SDK1: variants seen among roughly 807,000 people sequenced by gnomAD.
The protein encoded by SDK1 is sidekick cell adhesion molecule 1, also known as protein sidekick-1.
Under a neutral mutation model 245.5 loss-of-function variants are expected in SDK1, and 157 were observed. That is an observed-to-expected ratio of 0.64 (90% confidence interval 0.56 to 0.73). SDK1 has a LOEUF of 0.73. Ranked by LOEUF, SDK1 falls within the 30% of genes least tolerant of loss-of-function variation. The probability of loss-of-function intolerance (pLI) is 0.00; values close to 1 mark genes in which losing one functional copy is unlikely to be tolerated. For synonymous variants in SDK1, 1,647 were observed against 1,278.5 expected, an observed-to-expected ratio of 1.29 and a Z score of -6.15; for missense variants, 3,583 against 3,002.3, an observed-to-expected ratio of 1.19 and a Z score of -4.52.
chr7:4,183,784 G>A (rs977534512), intron 35 of SDK1, among the ~76,000 whole-genome samples: 3 of 152,170 alleles, frequency 2.0e-5, no homozygotes, highest in Non-Finnish European at 4.4e-5. Context: ...TTTAGGGAAG[G>A]ACCATTATCA....
At chr7:3,302,369 G>A (rs1276802207) in intron 1 of SDK1, 1 of 151,992 alleles carries the variant, frequency 6.6e-6, no homozygotes, top group Non-Finnish European at 1.5e-5. Flanking sequence ...GCCTGCTCCT[G>A]ACTCCCCCAA....
At chr7:4,111,936 C>G (rs746622978) in intron 23 of SDK1, among the ~76,000 whole-genome samples, 1 of 152,156 alleles carries the variant, frequency 6.6e-6, no homozygotes, top group African/African-American at 2.4e-5. Context: ...GTTAAGGAAA[C>G]GGAGATCATC....
At chr7:4,263,543 C>T (rs9718560) in intron 44 of SDK1, among the ~76,000 whole-genome samples, 12,592 of 49,754 alleles carry the variant, frequency 0.25, 2,806 homozygotes, top group African/African-American at 0.48. Context: ...CGCGTAGACG[C>T]CTCCTGAGTG....
intron 4 of SDK1, among the ~76,000 whole-genome samples, chr7:3,815,694 A>G (rs1333868638): frequency 6.6e-6 from 1 of 152,060 alleles, no homozygotes; most frequent in East Asian, 1.9e-4. Context: ...GAATGGTACC[A>G]GTTCCTCCAA....
In SDK1 at chr7:3,713,460, C is replaced by A. The variant is rs1785106737; in HGVS notation, c.713+71355C>A. 2.6e-5 allele frequency among the ~76,000 whole-genome samples: 4 copies of A among 152,150 alleles called. No homozygotes were observed. In the South Asian group the frequency reaches 8.3e-4, roughly 31 times the overall value. On this transcript the variant is annotated intron_variant, in intron 4 of 44. Transcript: ENST00000404826. ...ACTGCTACACATTTTCCCTTTGCTT[C>A]CCACGGGAATGGCTTCATTCTTGCC...
chr7:4,131,348 C>T (rs953227662), intron 27 of SDK1, among the ~76,000 whole-genome samples: 12 of 152,206 alleles, frequency 7.9e-5, no homozygotes, highest in Non-Finnish European at 1.5e-4. Context: ...AGGGGAGCAA[C>T]GCTGCTTAAG....
intron 22 of SDK1, among the ~76,000 whole-genome samples, chr7:4,110,036 G>A (rs1405431838): frequency 1.3e-5 from 2 of 152,116 alleles, no homozygotes; most frequent in South Asian, 2.1e-4. Flanking sequence ...TGAAGGGAGT[G>A]GCTCTTCCCT....
At chr7:4,247,110 G>A (rs1227847069) in intron 44 of SDK1, among the ~76,000 whole-genome samples, 2 of 152,164 alleles carry the variant, frequency 1.3e-5, no homozygotes, top group East Asian at 3.9e-4. Context: ...GTACACATAG[G>A]CCTGCCCCGC....
chr7:3,613,676 G>C (rs916438246), intron 1 of SDK1, among the ~76,000 whole-genome samples: 13 of 152,102 alleles, frequency 8.5e-5, no homozygotes, highest in Non-Finnish European at 1.9e-4. Flanking sequence ...TTCTATTATA[G>C]AGACACAAAG....
At chr7:3,470,828 T>A (rs987769027) in intron 1 of SDK1, among the ~76,000 whole-genome samples, 9 of 152,308 alleles carry the variant, frequency 5.9e-5, no homozygotes, top group African/African-American at 1.9e-4. Flanking sequence ...GAAGCAAATA[T>A]CATATAAATG....
intron 1 of SDK1, among the ~76,000 whole-genome samples, chr7:3,514,516 G>C (rs1253632150): frequency 6.6e-6 from 1 of 152,128 alleles, no homozygotes; most frequent in East Asian, 1.9e-4. Context: ...ACAGCCATTA[G>C]GACTTGGGCG....
intron 1 of SDK1, among the ~76,000 whole-genome samples, chr7:3,353,834 C>T (rs926191262): frequency 6.6e-6 from 1 of 152,236 alleles, no homozygotes; most frequent in Non-Finnish European, 1.5e-5. Context: ...CATGTTTGAG[C>T]GTGTCCTGCA....
chr7:4,109,616 T>G (rs1389905139), intron 22 of SDK1, among the ~76,000 whole-genome samples: 1 of 152,144 alleles, frequency 6.6e-6, no homozygotes, highest in Non-Finnish European at 1.5e-5. Context: ...AAACCAGAGT[T>G]TGCTTGTGAT....
intron 5 of SDK1, among the ~76,000 whole-genome samples, chr7:3,908,236 G>A (rs143965466): frequency 3.3e-5 from 5 of 152,288 alleles, no homozygotes; most frequent in East Asian, 3.9e-4. Context: ...CTCACTTTGC[G>A]CGTTGGGCTG....
chr7:3,592,234 AT>A (rs952836404), intron 1 of SDK1, among the ~76,000 whole-genome samples: 19 of 152,160 alleles, frequency 1.2e-4, no homozygotes, highest in African/African-American at 4.6e-4. Flanking sequence ...AATCAAAATG[AT>A]TTCTTACTAT....
chr7:3,913,323 T>C (rs1270444435), intron 5 of SDK1, among the ~76,000 whole-genome samples: 1 of 147,856 alleles, frequency 6.8e-6, no homozygotes, highest in Non-Finnish European at 1.5e-5. Flanking sequence ...AGATGGAGTC[T>C]CGCTCTGTCA....
At chr7:3,923,884 C>T (rs923560369) in intron 5 of SDK1, among the ~76,000 whole-genome samples, 3 of 152,098 alleles carry the variant, frequency 2.0e-5, no homozygotes, top group South Asian at 2.1e-4. Flanking sequence ...TTGTCTTTTG[C>T]GGGTGGGGAA....
chr7:3,555,510 G>A (rs1332325934), intron 1 of SDK1, among the ~76,000 whole-genome samples: 5 of 152,170 alleles, frequency 3.3e-5, no homozygotes, highest in Non-Finnish European at 5.9e-5. Context: ...GGCATTGGAT[G>A]GGGTAAGGAT....
chr7:3,428,305 CTTA>C (rs1454963410), intron 1 of SDK1, among the ~76,000 whole-genome samples: 2 of 152,100 alleles, frequency 1.3e-5, no homozygotes, highest in East Asian at 3.8e-4. Context: ...ACATTTGAGT[CTTA>C]TTATTGGCAG....
Sources: allele counts gnomAD v4.1 joint callset (sites outside exome capture counted in the v4.1 genomes callset), GRCh38; gene constraint gnomAD v4.1.1; transcripts MANE v1.5; gene names NCBI Gene and HGNC (gene_info 2026-07-23, HGNC 2026-07-21).